PRKD1: variants seen among roughly 807,000 people sequenced by gnomAD.
The protein encoded by PRKD1 is protein kinase D1.
Under a neutral mutation model 95.9 loss-of-function variants are expected in PRKD1, and 63 were observed. The observed-to-expected ratio is 0.66, with a 90% CI of 0.54 to 0.81. The LOEUF is 0.81. Ranked by LOEUF, PRKD1 falls within the 30% of genes least tolerant of loss-of-function variation. The probability of loss-of-function intolerance (pLI) is 0.00; values close to 1 mark genes in which losing one functional copy is unlikely to be tolerated. For missense variants in PRKD1, 1,048 were observed against 1,165.3 expected (o/e 0.90, Z 1.47); for synonymous variants, 425 against 423.1 (o/e 1.00, Z -0.05).
At chr14:29,607,299 C>T (rs1053093373) in intron 13 of PRKD1, among the ~76,000 whole-genome samples, 5 of 152,260 alleles carry the variant, frequency 3.3e-5, no homozygotes, top group South Asian at 2.1e-4. Flanking sequence ...AGTCAATCCC[C>T]GTCTTTCCCC....
chr14:29,853,411 T>C (rs1403346095), intron 1 of PRKD1, among the ~76,000 whole-genome samples: 1 of 152,180 alleles, frequency 6.6e-6, no homozygotes, highest in Non-Finnish European at 1.5e-5. Flanking sequence ...GCCCACAAAA[T>C]AAACAAACTT....
At chr14:29,836,361 A>G (rs1432024418) in intron 1 of PRKD1, among the ~76,000 whole-genome samples, 3 of 152,184 alleles carry the variant, frequency 2.0e-5, no homozygotes, top group African/African-American at 7.2e-5. Flanking sequence ...TGGAAGTAGG[A>G]TGGAGCCTGA....
intron 2 of PRKD1, 123 bp downstream of exon 2, chr14:29,725,413 A>G: frequency 5.7e-6 from 7 of 1,222,970 alleles, no homozygotes; most frequent in Non-Finnish European, 8.0e-6. Flanking sequence ...CAGAGCTCCA[A>G]CATCTTCTCT....
intron 1 of PRKD1, among the ~76,000 whole-genome samples, chr14:29,777,473 A>T (rs560217548): frequency 6.6e-6 from 1 of 152,348 alleles, no homozygotes; most frequent in South Asian, 2.1e-4. Context: ...TGGAAAACAA[A>T]AAAAAGCAGG....
rs759932872 is a variant in PRKD1 at position 29,624,229 on chromosome 14, C to G, written c.1828G>C (p.Ala610Pro). 1 of 1,603,068 alleles carries G rather than the reference C, an allele frequency of 6.2e-7. No homozygotes were observed. The highest frequency in any genetic ancestry group is 8.5e-7 in the Non-Finnish European group (1 of 1,174,494). The part of the protein sequence containing the change: ...GKHRKTGRDV[A>P]IKIIDKLRFP... ...CGTAATTTGTCAATGATTTTAATAGCTACATCTCTTCCTGTTTTACGATGT... is the reference window on the plus strand; with the variant it reads ...CGTAATTTGTCAATGATTTTAATAGGTACATCTCTTCCTGTTTTACGATGT... Residue 610 changes from alanine to proline, a missense_variant, in exon 13 of 18, where the codon GCT (alanine) becomes CCT (proline). Ala to Pro is a conservative substitution (Grantham distance 27). This residue lies in a region of PRKD1 where 739 missense variants were observed against 861.9 expected (regional missense o/e 0.86). Transcript: ENST00000331968.
chr14:29,850,477 CACAT>C (rs930497832), intron 1 of PRKD1, among the ~76,000 whole-genome samples: 8 of 149,838 alleles, frequency 5.3e-5, no homozygotes, highest in Non-Finnish European at 8.9e-5. Context: ...CACACACACA[CACAT>C]ATACACACAC....
chr14:29,870,626 T>C (rs1213510491), intron 1 of PRKD1, among the ~76,000 whole-genome samples: 1 of 152,206 alleles, frequency 6.6e-6, no homozygotes, highest in Non-Finnish European at 1.5e-5. Flanking sequence ...TGCTTTGTAA[T>C]AACCCCTGAA....
intron 1 of PRKD1, among the ~76,000 whole-genome samples, chr14:29,906,763 A>T (rs953874192): frequency 6.6e-6 from 1 of 152,230 alleles, no homozygotes; most frequent in Non-Finnish European, 1.5e-5. Context: ...GAGTTTCTCA[A>T]ATTCACTTCA....
At chr14:29,665,589 C>T (rs570127647) in intron 3 of PRKD1, among the ~76,000 whole-genome samples, 1 of 152,176 alleles carries the variant, frequency 6.6e-6, no homozygotes, top group Admixed American at 6.5e-5. Context: ...AGTAGTATTT[C>T]ATGGTGTATA....
At chr14:29,820,848 T>C (rs1890883177) in intron 1 of PRKD1, among the ~76,000 whole-genome samples, 2 of 152,154 alleles carry the variant, frequency 1.3e-5, no homozygotes, top group African/African-American at 4.8e-5. Flanking sequence ...TTATCAGAGC[T>C]TGAATTGAGA....
chr14:29,778,321 C>G (rs1339570176), intron 1 of PRKD1, among the ~76,000 whole-genome samples: 2 of 151,996 alleles, frequency 1.3e-5, no homozygotes, highest in Admixed American at 1.3e-4. Flanking sequence ...ACACAAAAAA[C>G]CCTTCAAAAA....
intron 1 of PRKD1, among the ~76,000 whole-genome samples, chr14:29,858,575 C>T (rs933111789): frequency 1.3e-5 from 2 of 152,094 alleles, no homozygotes; most frequent in Admixed American, 1.3e-4. Flanking sequence ...CACTTCGAAA[C>T]ACTAGAGATT....
chr14:29,903,912 A>G (rs745697287), intron 1 of PRKD1, among the ~76,000 whole-genome samples: 14 of 152,158 alleles, frequency 9.2e-5, no homozygotes, highest in Non-Finnish European at 1.2e-4. Flanking sequence ...CTGAAGACAT[A>G]CATATATATT....
At chr14:29,772,522 G>A (rs149902276) in intron 1 of PRKD1, among the ~76,000 whole-genome samples, 15 of 152,158 alleles carry the variant, frequency 9.9e-5, no homozygotes, top group Non-Finnish European at 1.9e-4. Context: ...AGGTAATATC[G>A]TATGTACTTT....
intron 1 of PRKD1, among the ~76,000 whole-genome samples, chr14:29,905,488 A>T (rs760930594): frequency 6.6e-6 from 1 of 152,218 alleles, no homozygotes; most frequent in Non-Finnish European, 1.5e-5. Context: ...GCAGGAAAAA[A>T]AAAAAGTATT....
chr14:29,804,235 TAAA>T (rs34903080), intron 1 of PRKD1, among the ~76,000 whole-genome samples: 12 of 120,228 alleles, frequency 1.0e-4, no homozygotes, highest in African/African-American at 1.2e-4. Context: ...AGAACGAAAC[TAAA>T]AAAAAAAAAA....
At chr14:29,775,718 G>T (rs950763555) in intron 1 of PRKD1, among the ~76,000 whole-genome samples, 7 of 152,086 alleles carry the variant, frequency 4.6e-5, no homozygotes, top group African/African-American at 7.2e-5. Flanking sequence ...CATCTCTGGG[G>T]GCAGGGCATA....
At chr14:29,702,954 A>C (rs1312246336) in intron 2 of PRKD1, among the ~76,000 whole-genome samples, 1 of 152,116 alleles carries the variant, frequency 6.6e-6, no homozygotes, top group Non-Finnish European at 1.5e-5. Flanking sequence ...CAAGTTAATA[A>C]ATTTTGTTTG....
rs1886105164 is a variant in PRKD1 at position 29,725,654 on chromosome 14, GT to G, written c.284del (p.Tyr95SerfsTer23). On this transcript the variant is annotated frameshift_variant, in exon 2 of 18. Transcript: ENST00000331968. LOFTEE classifies it high-confidence loss of function. ...VDQKFPECGF[Y>X]GMYDKILLFR... ...AAAGCAGGATCTTATCATACATTCC[GT>G]AGAAACCACATTCAGGGAACTGCAA... The G allele has an allele frequency of 6.2e-7, 1 of 1,613,308 alleles. No individual in the cohort carries two copies. The highest frequency in any genetic ancestry group is 1.7e-5 in the Admixed American group (1 of 59,896).
Sources: gnomAD v4.1 joint callset for allele counts (sites outside exome capture counted in the v4.1 genomes callset) on GRCh38, gnomAD v4.1.1 for gene constraint, gnomAD v4.1.1 regional missense constraint, MANE v1.5 for transcripts, NCBI Gene and HGNC (gene_info 2026-07-23, HGNC 2026-07-21) for gene names.